NPC1L1: variants seen among roughly 807,000 people sequenced by gnomAD.
NPC1L1 encodes the protein NPC1 like intracellular cholesterol transporter 1, also known as NPC1-like intracellular cholesterol transporter 1.
In NPC1L1, 98 loss-of-function variants were observed where a neutral mutation model predicts 117.0. The ratio of observed to expected loss-of-function variants is 0.84; its 90% CI spans 0.71 to 0.99. The LOEUF (loss-of-function observed/expected upper bound fraction) is 0.99. Among genes scored for constraint, NPC1L1 ranks in the 50% least tolerant of loss-of-function variants. The pLI is 0.00. For missense variants in NPC1L1, 1,540 were observed against 1,710.0 expected (o/e 0.90, Z 1.75); for synonymous variants, 729 against 727.6 (o/e 1.00, Z -0.03).
Position 44,516,085 on chromosome 7 carries a change from G to A in NPC1L1, c.3632C>T (p.Ala1211Val), listed in dbSNP as rs746780129. ...AKEATISMGS[A>V]VFAGVAMTNL... ...GGTGGCCCACTCCTCTCCACTCACC[G>A]CACTTCCCATAGAGATGGTGGCCTC... The change falls in exon 17 of 19, where the codon GCG (alanine) becomes GTG (valine). Residue 1211 changes from alanine (A) to valine (V), a missense_variant and splice_region_variant. By Grantham distance (64) the Ala-to-Val change is moderately conservative. Around this residue, in one of 3 missense-constraint regions of NPC1L1, gnomAD observed 742 missense variants for 873.6 expected, o/e 0.85. Transcript: ENST00000381160. The A allele has an allele frequency of 2.2e-5, 36 of 1,610,424 alleles. 1 individual carries two copies. Among genetic ancestry groups the A allele is most frequent in the African/African-American group, 8.0e-5 (6 of 75,006 alleles).
chr7:44,518,703 A>G (rs1431127075), intron 14 of NPC1L1: 8 of 1,229,902 alleles, frequency 6.5e-6, no homozygotes, highest in Non-Finnish European at 8.4e-6. Flanking sequence ...TTTATTGTGT[A>G]CAGTGAGCAT....
intron 10 of NPC1L1, among the ~76,000 whole-genome samples, chr7:44,526,541 C>T (rs1036238424): frequency 8.6e-6 from 1 of 116,450 alleles, no homozygotes; most frequent in African/African-American, 3.6e-5. Flanking sequence ...AGTGAGACTC[C>T]ATCTCAAAAA....
chr7:44,535,793 TGG>T lies in NPC1L1; in HGVS notation c.1983+45_1983+46del, dbSNP rs771908391. On this transcript the variant is annotated intron_variant, in intron 5 of 18. Transcript: ENST00000381160. ...TTGTAGAAGGCCTACTGAAGATGCC[TGG>T]GGTCCTGGGCTAGCCCACTTAGCTG... 47 of 1,611,266 alleles carry T rather than the reference TGG, an allele frequency of 2.9e-5. No homozygotes were observed. The East Asian group carries it at 3.3e-4, about 11-fold the overall frequency.
At chr7:44,531,931 G>T in intron 9 of NPC1L1, 87 bp from the exon 10 acceptor site, 1 of 1,522,498 alleles carries the variant, frequency 6.6e-7, no homozygotes, top group South Asian at 1.2e-5. Flanking sequence ...GGGTGTCATG[G>T]GCAACATTCT....
intron 10 of NPC1L1, among the ~76,000 whole-genome samples, chr7:44,527,461 CAAAAAAA>C (rs1160435212): frequency 2.5e-5 from 1 of 40,106 alleles, no homozygotes; most frequent in Non-Finnish European, 4.9e-5. Context: ...AACAACTTCT[CAAAAAAA>C]AAAAAAAAAA....
At position 44,539,562 on chromosome 7, in the gene NPC1L1, C is replaced by T. The variant is rs2063266397; in HGVS notation, c.835G>A (p.Gly279Ser). 1 of 1,613,938 alleles carries T rather than the reference C, an allele frequency of 6.2e-7. No individual in the cohort carries two copies. The highest frequency in any genetic ancestry group is 1.7e-5 in the Admixed American group (1 of 60,000). ...PQALDSTFYL[G>S]QMPGSLVLII... ...AGGACCAGACTGCCCGGCATCTGGC[C>T]CAGGTAGAAGGTGGAGTCGAGGGCC... is the stretch of plus-strand genomic sequence containing the variant. The change falls in exon 2 of 19, where the codon GGC becomes AGC. Residue 279 changes from glycine (G) to serine (S), a missense_variant. Physicochemically the swap from Gly to Ser is moderately conservative, Grantham distance 56 (BLOSUM62 0). Around this residue, in one of 3 missense-constraint regions of NPC1L1, gnomAD observed 793 missense variants for 820.4 expected, o/e 0.97. Transcript: ENST00000381160. The surrounding 1 kb of genome is among the most constrained non-coding windows in gnomAD (Gnocchi z 4.4).
intron 8 of NPC1L1, 118 bp from the exon 9 acceptor site, chr7:44,532,335 A>G (rs948392255): frequency 9.0e-7 from 1 of 1,112,852 alleles, no homozygotes; most frequent in South Asian, 1.3e-5. Flanking sequence ...GCCCTCATGG[A>G]GACATACCAG....
chr7:44,513,384 A>C lies in NPC1L1; in HGVS notation c.*63T>G. On this transcript the variant is annotated 3_prime_UTR_variant, in exon 19 of 19. Transcript: ENST00000381160. ...AGGGCGTGTGTCAAGGGGCAGTCACAAGGAAGATCCCCATAACCCTTTGGT... is the reference window on the plus strand; with the variant it reads ...AGGGCGTGTGTCAAGGGGCAGTCACCAGGAAGATCCCCATAACCCTTTGGT... 1 of 1,510,034 alleles carries C rather than the reference A, an allele frequency of 6.6e-7. No individual in the cohort carries two copies. The highest frequency in any genetic ancestry group is 1.1e-5 in the South Asian group (1 of 88,458). 93.5% of individuals were successfully genotyped at this position (1,510,034 alleles called of 1,614,324 possible).
intron 2 of NPC1L1, among the ~76,000 whole-genome samples, chr7:44,537,732 T>C (rs778487613): frequency 2.0e-4 from 30 of 152,086 alleles, no homozygotes; most frequent in Non-Finnish European, 1.2e-4. Context: ...CCGAGAGTTG[T>C]TGTGAGCATC....
chr7:44,533,659 A>C (rs1042562374), intron 7 of NPC1L1, 80 bp downstream of exon 7: 2 of 1,607,024 alleles, frequency 1.2e-6, no homozygotes, highest in Admixed American at 1.7e-5. Context: ...CACTATACCC[A>C]CTGCCCTCTG....
Position 44,536,417 on chromosome 7 carries a change from A to C in NPC1L1, c.1693T>G (p.Ser565Ala), listed in dbSNP as rs1218221161. Residue 565 changes from serine (S) to alanine (A), a missense_variant, in exon 4 of 19, where the codon TCT becomes GCT. This residue lies in a region of NPC1L1 where 793 missense variants were observed against 820.4 expected (regional missense o/e 0.97). Coordinates refer to ENST00000381160, the MANE Select transcript of NPC1L1 (RefSeq NM_001101648.2). The surrounding 1 kb of genome is among the most constrained non-coding windows in gnomAD (Gnocchi z 4.7). ...GTCATGATCAGGGCCTCTGCCTCAGAATAGTCCTTTCCTGGGATAAGAAAT... is the reference window on the plus strand; with the variant it reads ...GTCATGATCAGGGCCTCTGCCTCAGCATAGTCCTTTCCTGGGATAAGAAAT... ...AIGGYKGKDY[S>A]EAEALIMTFS... is the part of the protein sequence containing the mutation. 8 of 1,612,724 alleles carry C rather than the reference A, an allele frequency of 5.0e-6. No individual in the cohort carries two copies. Among genetic ancestry groups the C allele is most frequent in the Non-Finnish European group, 6.8e-6 (8 of 1,180,012 alleles).
chr7:44,521,852 G>A lies in NPC1L1; in HGVS notation c.2829-16C>T. 2 of 1,614,012 alleles carry A rather than the reference G, an allele frequency of 1.2e-6. No individual in the cohort carries two copies. The highest frequency in any genetic ancestry group is 1.7e-6 in the Non-Finnish European group (2 of 1,179,970). On this transcript the variant is annotated splice_polypyrimidine_tract_variant and intron_variant, in intron 11 of 18. Coordinates refer to ENST00000381160, the MANE Select transcript of NPC1L1 (RefSeq NM_001101648.2). ...CAGGTAAGACCTAAGGGGCAGGTGGGAGGAAGGGTGAAAAGGCCAGCTGGG... is the reference window on the plus strand; with the variant it reads ...CAGGTAAGACCTAAGGGGCAGGTGGAAGGAAGGGTGAAAAGGCCAGCTGGG...
At chr7:44,515,647 C>T (rs1447278339) in intron 18 of NPC1L1, among the ~76,000 whole-genome samples, 156 bp downstream of exon 18, 1 of 152,196 alleles carries the variant, frequency 6.6e-6, no homozygotes, top group East Asian at 1.9e-4. Flanking sequence ...ATAATAGTAG[C>T]TTCCAAGACA....
At chr7:44,535,731 T>C in intron 5 of NPC1L1, 109 bp downstream of exon 5, 1 of 1,500,314 alleles carries the variant, frequency 6.7e-7, no homozygotes, top group Non-Finnish European at 9.2e-7. Context: ...CTTGGGTGTG[T>C]CCACTTTGCT....
Position 44,536,537 on chromosome 7 carries a change from C to G in NPC1L1, c.1682-109G>C. On this transcript the variant is annotated intron_variant, in intron 3 of 18. Coordinates refer to ENST00000381160, the MANE Select transcript of NPC1L1 (RefSeq NM_001101648.2). The surrounding 1 kb of genome is among the most constrained non-coding windows in gnomAD (Gnocchi z 4.7). ...ATCTAGCTGCACCCCTCCCATCACC[C>G]CTTGCTCCTTCTCCCCCACTCCTTC... 2 of 1,228,108 alleles carry G rather than the reference C, an allele frequency of 1.6e-6. No homozygotes were observed. The highest frequency in any genetic ancestry group is 2.5e-5 in the South Asian group (2 of 81,256). 76.1% of individuals were successfully genotyped at this position (1,228,108 alleles called of 1,614,324 possible). A position where few individuals can be genotyped will look rare whatever the true frequency, so the allele number is the denominator to read the frequency against.
rs767543927 is a variant in NPC1L1, at chr7:44,541,248, G to A, written c.12C>T (p.Ala4=). 4.4e-5 allele frequency: 68 copies of A among 1,549,910 alleles called. No individual in the cohort carries two copies. Among genetic ancestry groups the A allele is most frequent in the Admixed American group, 1.8e-4 (9 of 50,974 alleles). Residue 4 remains alanine (A), a synonymous_variant, in exon 1 of 19, where the codon GCC becomes GCT. Transcript: ENST00000381160. ...CCCACAGCAGCCAGCCCCTCAGGCCGGCCTCCGCCATCCCAGGTCTGGGAA... is the reference window on the plus strand; with the variant it reads ...CCCACAGCAGCCAGCCCCTCAGGCCAGCCTCCGCCATCCCAGGTCTGGGAA... MAE[A]GLRGWLLWAL... is the part of the protein sequence containing the mutation.
In NPC1L1 at chr7:44,520,985, A is replaced by G. The variant is rs1396599877; in HGVS notation, c.3080+7T>C. 2 of 1,614,054 alleles carry G rather than the reference A, an allele frequency of 1.2e-6. No individual in the cohort carries two copies. The highest frequency in any genetic ancestry group is 8.5e-7 in the Non-Finnish European group (1 of 1,180,008). On this transcript the variant is annotated splice_region_variant and intron_variant, in intron 13 of 18. Coordinates refer to ENST00000381160, the MANE Select transcript of NPC1L1 (RefSeq NM_001101648.2). ...TCCTCCCCAGCAGAAGGCCCTCCCAAGCTTACCCTTTGGGACATTTGATGT... is the reference window on the plus strand; with the variant it reads ...TCCTCCCCAGCAGAAGGCCCTCCCAGGCTTACCCTTTGGGACATTTGATGT...
intron 18 of NPC1L1, among the ~76,000 whole-genome samples, chr7:44,514,856 T>A (rs1256433405): frequency 6.7e-6 from 1 of 149,732 alleles, no homozygotes; most frequent in Non-Finnish European, 1.5e-5. Context: ...AAAAAATAAA[T>A]AAATAAATTG....
intron 8 of NPC1L1, among the ~76,000 whole-genome samples, 192 bp from the exon 9 acceptor site, chr7:44,532,409 G>C (rs562525386): frequency 3.9e-5 from 6 of 152,258 alleles, no homozygotes; most frequent in African/African-American, 1.2e-4. Flanking sequence ...ACACCATCAT[G>C]GGAACCAACA....
Sources: allele counts gnomAD v4.1 joint callset (sites outside exome capture counted in the v4.1 genomes callset), GRCh38; gene constraint gnomAD v4.1.1; regional missense constraint gnomAD v4.1.1; non-coding constraint Gnocchi (gnomAD v3.1); transcripts MANE v1.5; gene names NCBI Gene and HGNC (gene_info 2026-07-23, HGNC 2026-07-21).